ARHGEF11: variants seen among roughly 807,000 people sequenced by gnomAD.
The protein encoded by ARHGEF11 is Rho guanine exchange factor (GEF) 11.
Under a neutral mutation model 193.7 loss-of-function variants are expected in ARHGEF11, and 55 were observed. That is an observed-to-expected ratio of 0.28 (90% CI 0.23 to 0.36). ARHGEF11 has a LOEUF of 0.36. Among genes scored for constraint, ARHGEF11 ranks in the 10% least tolerant of loss-of-function variants. The pLI, the probability that ARHGEF11 is intolerant of heterozygous loss-of-function variation, is 1.00. For synonymous variants in ARHGEF11, 693 were observed against 768.0 expected (o/e 0.90, Z 1.62); for missense variants, 1,723 against 2,005.6 (o/e 0.86, Z 2.69).
In ARHGEF11 at chr1:156,947,335, G is replaced by A. The variant is rs371027429; in HGVS notation, c.2457C>T (p.Phe819=). ...TCTCTATGAGTTCAGGCAGGTTCGG[G>A]AAGAGCCGGGCCAGCTCCTCCCGGG... is the stretch of plus-strand genomic sequence containing the variant. The part of the protein sequence containing the change: ...LMPREELARL[F]PNLPELIEIH... The change falls in exon 26 of 41, where the codon TTC becomes TTT. Residue 819 remains phenylalanine, a synonymous_variant. Coordinates refer to ENST00000368194, the MANE Select transcript of ARHGEF11 (RefSeq NM_198236.3). 1.9e-5 allele frequency: 30 copies of A among 1,612,530 alleles called. No individual in the cohort carries two copies. The East Asian group carries it at 4.2e-4, about 23-fold the overall frequency.
chr1:157,027,077 T>A (rs1275732021), intron 1 of ARHGEF11, among the ~76,000 whole-genome samples: 2 of 152,182 alleles, frequency 1.3e-5, no homozygotes, highest in Non-Finnish European at 2.9e-5. Context: ...CTGGTCAACA[T>A]TACTTAAAGA....
chr1:156,958,402 T>G (rs1571242007), intron 17 of ARHGEF11, among the ~76,000 whole-genome samples: 1 of 152,314 alleles, frequency 6.6e-6, no homozygotes, highest in East Asian at 1.9e-4. Context: ...CACACATCAC[T>G]GGCCTCACTC....
chr1:156,975,806 T>A (rs1276154489), intron 7 of ARHGEF11, among the ~76,000 whole-genome samples: 2 of 152,220 alleles, frequency 1.3e-5, no homozygotes, highest in African/African-American at 4.8e-5. Flanking sequence ...CCTAGCACCA[T>A]TTGTTGAAAA....
At chr1:156,998,251 T>C (rs1208470958) in intron 1 of ARHGEF11, among the ~76,000 whole-genome samples, 1 of 152,204 alleles carries the variant, frequency 6.6e-6, no homozygotes, top group Non-Finnish European at 1.5e-5. Context: ...GTGCACCCTT[T>C]TCTCCACTCA....
At position 156,956,563 on chromosome 1, in the gene ARHGEF11, C is replaced by T. The variant is rs1357501934; in HGVS notation, c.1528G>A (p.Ala510Thr). 3.7e-6 allele frequency: 6 copies of T among 1,613,882 alleles called. No homozygotes were observed. Among genetic ancestry groups the T allele is most frequent in the African/African-American group, 1.3e-5 (1 of 74,872 alleles). ...GTATTGAGGGCGAAGTCCATGGGGG[C>T]GCTGTAAAAGAGGAACAGTGTCCTG... is the stretch of plus-strand genomic sequence containing the variant. ...ILSKYEEDRS[A>T]PMDFALNTYM... Residue 510 changes from alanine to threonine, a missense_variant and splice_region_variant, in exon 19 of 41, where the codon GCC (alanine) becomes ACC (threonine). By Grantham distance (58) the Ala-to-Thr change is moderately conservative. Transcript: ENST00000368194.
At chr1:156,961,419 A>G (rs1356856897) in intron 14 of ARHGEF11, among the ~76,000 whole-genome samples, 1 of 152,204 alleles carries the variant, frequency 6.6e-6, no homozygotes, top group African/African-American at 2.4e-5. Flanking sequence ...AGGGGAGAAT[A>G]GGGAGAATTT....
At chr1:156,983,210 C>CT (rs371721286) in intron 3 of ARHGEF11, among the ~76,000 whole-genome samples, 295 of 148,540 alleles carry the variant, frequency 2.0e-3, no homozygotes, top group Admixed American at 3.7e-3. Context: ...CACTGCCTTT[C>CT]TTTTTTTTTT....
chr1:156,964,663 A>G (rs934054409), intron 11 of ARHGEF11, among the ~76,000 whole-genome samples: 9 of 152,216 alleles, frequency 5.9e-5, no homozygotes, highest in African/African-American at 1.9e-4. Flanking sequence ...CTAGAGTCTA[A>G]CACTCATTTA....
At position 156,942,787 on chromosome 1, in the gene ARHGEF11, G is replaced by C. The variant is rs369342252; in HGVS notation, c.3236-7C>G. On this transcript the variant is annotated splice_polypyrimidine_tract_variant and splice_region_variant and intron_variant, in intron 32 of 40. Transcript: ENST00000368194. ...ATGAAGAAGGCCCGTTTATCTGTGTGAGGAAAGGAAGGTAGAAGGGTCTGT... is the reference window on the plus strand; with the variant it reads ...ATGAAGAAGGCCCGTTTATCTGTGTCAGGAAAGGAAGGTAGAAGGGTCTGT... The C allele has an allele frequency of 9.9e-6, 16 of 1,613,570 alleles. No homozygotes were observed. In the African/African-American group the frequency reaches 1.3e-4, roughly 13 times the overall value.
At chr1:157,046,454 C>T (rs1382603444), upstream of ARHGEF11, among the ~76,000 whole-genome samples, 1 of 150,002 alleles carries the variant, frequency 6.7e-6, no homozygotes, top group Non-Finnish European at 1.5e-5. Context: ...CCTCTCTCCA[C>T]CTCTCTTCTG....
chr1:156,954,727 C>G (rs1659693986), intron 21 of ARHGEF11, among the ~76,000 whole-genome samples, 165 bp downstream of exon 21: 1 of 152,282 alleles, frequency 6.6e-6, no homozygotes, highest in Non-Finnish European at 1.5e-5. Context: ...CACACAGCAG[C>G]TTTAGCAACA....
intron 15 of ARHGEF11, among the ~76,000 whole-genome samples, chr1:156,959,987 CAGGG>C (rs1660593386): frequency 7.4e-6 from 1 of 135,566 alleles, no homozygotes; most frequent in African/African-American, 2.7e-5. Flanking sequence ...TCCAACTCTG[CAGGG>C]AGGATGGAGC....
chr1:156,942,514 G>A (rs993271753), intron 33 of ARHGEF11, among the ~76,000 whole-genome samples, 176 bp downstream of exon 33: 1 of 152,224 alleles, frequency 6.6e-6, no homozygotes, highest in Non-Finnish European at 1.5e-5. Flanking sequence ...ACCAGGTCGG[G>A]GGTGATGACC....
At chr1:156,963,821 G>T (rs1336150) in intron 11 of ARHGEF11, 478,871 of 1,331,150 alleles carry the variant, frequency 0.36, 87,973 homozygotes, top group South Asian at 0.47. Context: ...AGAGCAGCCT[G>T]GTCACATGAC....
At chr1:156,959,943 C>CCCCAAA (rs1553204878) in intron 15 of ARHGEF11, among the ~76,000 whole-genome samples, 1 of 97,096 alleles carries the variant, frequency 1.0e-5, no homozygotes, top group African/African-American at 3.9e-5. Flanking sequence ...CCCCCCCCCC[C>CCCCAAA]AAAAAAAACA....
intron 11 of ARHGEF11, 107 bp from the exon 12 acceptor site, chr1:156,963,701 C>T (rs1048509208): frequency 6.6e-6 from 10 of 1,513,744 alleles, no homozygotes; most frequent in African/African-American, 4.2e-5. Flanking sequence ...CAAAGCCACC[C>T]GGGTCTGGTG....
intron 1 of ARHGEF11, among the ~76,000 whole-genome samples, chr1:157,028,237 G>A (rs924403869): frequency 9.9e-5 from 15 of 152,190 alleles, no homozygotes; most frequent in Admixed American, 2.6e-4. Flanking sequence ...AGGGGATGGG[G>A]AGCTGGCTTG....
intron 11 of ARHGEF11, among the ~76,000 whole-genome samples, chr1:156,965,213 C>T (rs1050856813): frequency 6.6e-6 from 1 of 152,198 alleles, no homozygotes; most frequent in African/African-American, 2.4e-5. Flanking sequence ...AGGGCTCCAA[C>T]ACTATTGACC....
intron 9 of ARHGEF11, among the ~76,000 whole-genome samples, chr1:156,969,662 A>G (rs1662241651): frequency 6.6e-6 from 1 of 151,854 alleles, no homozygotes; most frequent in Non-Finnish European, 1.5e-5. Context: ...CTCCTTCCCA[A>G]CCCTCTTCTG....
Sources: allele counts gnomAD v4.1 joint callset (sites outside exome capture counted in the v4.1 genomes callset), GRCh38; gene constraint gnomAD v4.1.1; transcripts MANE v1.5; gene names NCBI Gene and HGNC (gene_info 2026-07-23, HGNC 2026-07-21).